Variants in PGM5 observed in about 807,000 individuals in gnomAD.
PGM5 encodes phosphoglucomutase-like protein 5.
In PGM5, 23 loss-of-function variants were observed where a neutral mutation model predicts 59.2. That is an observed-to-expected ratio of 0.39 (90% CI 0.28 to 0.55). The LOEUF (loss-of-function observed/expected upper bound fraction) is 0.55, where lower values mean the gene tolerates loss of function less well. PGM5 is among the 20% of genes least tolerant of loss of function. The probability of loss-of-function intolerance (pLI) is 0.66; values close to 1 mark genes in which losing one functional copy is unlikely to be tolerated. For synonymous variants in PGM5, 214 were observed against 286.0 expected (o/e 0.75, Z 2.54); for missense variants, 574 against 748.3 (o/e 0.77, Z 2.72).
At chr9:68,499,002 C>A (rs1289720929) in intron 9 of PGM5, 9 of 517,980 alleles carry the variant, frequency 1.7e-5, no homozygotes. Flanking sequence ...TCCTCTTTCC[C>A]CACATTAACC....
intron 8 of PGM5, among the ~76,000 whole-genome samples, chr9:68,482,957 G>A (rs782719467): frequency 2.0e-5 from 3 of 151,978 alleles, no homozygotes; most frequent in South Asian, 2.1e-4. Context: ...CATTTAATAC[G>A]CTTGGCTAGG....
chr9:68,513,373 C>A (rs1474350805), intron 10 of PGM5, among the ~76,000 whole-genome samples: 1 of 152,158 alleles, frequency 6.6e-6, no homozygotes, highest in Non-Finnish European at 1.5e-5. Flanking sequence ...AAGGGTTCTT[C>A]ATTTTTCTTT....
At chr9:68,395,616 C>G (rs1822479470) in intron 6 of PGM5, 2 of 152,108 alleles carry the variant, frequency 1.3e-5, no homozygotes, top group Admixed American at 1.3e-4. Flanking sequence ...ATTTCTCTTA[C>G]ATGTATTTCA....
intron 8 of PGM5, among the ~76,000 whole-genome samples, chr9:68,482,146 GAACGTTTGGGCA>G (rs1554687171): frequency 6.6e-6 from 1 of 152,094 alleles, no homozygotes; most frequent in Non-Finnish European, 1.5e-5. Context: ...ATATGAAGGT[GAACGTTTGGGCA>G]AACAGATCTG....
rs142494212 is a variant in PGM5, at chr9:68,499,269, C to T, written c.1522C>T (p.Arg508Trp). 20 of 1,614,152 alleles carry T rather than the reference C, an allele frequency of 1.2e-5. No individual in the cohort carries two copies. Among genetic ancestry groups the T allele is most frequent in the African/African-American group, 9.3e-5 (7 of 75,036 alleles). The change falls in exon 10 of 11, where the codon CGG becomes TGG. Residue 508 changes from arginine (R) to tryptophan (W), a missense_variant. Around this residue, in one of 7 missense-constraint regions of PGM5, gnomAD observed 300 missense variants for 280.0 expected, o/e 1.07. Transcript: ENST00000396396. Reference protein sequence around the residue: ...IFSDASRLIFRLSSSSGVRAT... With the variant: ...IFSDASRLIFWLSSSSGVRAT... Reference sequence around the variant, plus strand: ...CTCGGATGCATCACGGCTCATCTTCCGGCTCAGTTCCTCCAGTGGTGTGCG... The same window carrying T: ...CTCGGATGCATCACGGCTCATCTTCTGGCTCAGTTCCTCCAGTGGTGTGCG...
intron 6 of PGM5, among the ~76,000 whole-genome samples, chr9:68,418,624 C>T (rs181339093): frequency 2.0e-5 from 3 of 152,052 alleles, no homozygotes; most frequent in South Asian, 2.1e-4. Context: ...CACCTTGCTG[C>T]GGCCTGCTGT....
intron 10 of PGM5, among the ~76,000 whole-genome samples, chr9:68,516,044 A>T (rs933689191): frequency 6.6e-6 from 1 of 152,248 alleles, no homozygotes; most frequent in Non-Finnish European, 1.5e-5. Context: ...ATAGGTAGTC[A>T]TGCTATCCAT....
At chr9:68,469,404 A>C (rs1243070599) in intron 7 of PGM5, among the ~76,000 whole-genome samples, 1 of 152,168 alleles carries the variant, frequency 6.6e-6, no homozygotes, top group Non-Finnish European at 1.5e-5. Flanking sequence ...GTATGTATTC[A>C]TCTTTTTCTA....
At chr9:68,389,323 T>C (rs1554679234) in intron 4 of PGM5, among the ~76,000 whole-genome samples, 1 of 152,086 alleles carries the variant, frequency 6.6e-6, no homozygotes, top group African/African-American at 2.4e-5. Flanking sequence ...ACATATACAG[T>C]CATGTAACCA....
At chr9:68,490,875 T>A (rs1372748983) in intron 9 of PGM5, among the ~76,000 whole-genome samples, 1 of 152,226 alleles carries the variant, frequency 6.6e-6, no homozygotes, top group Non-Finnish European at 1.5e-5. Flanking sequence ...ACTTCTACAC[T>A]GAGTCACAGA....
chr9:68,373,278 A>G (rs1821788065), intron 1 of PGM5, among the ~76,000 whole-genome samples: 1 of 150,716 alleles, frequency 6.6e-6, no homozygotes. Context: ...TGATAGGACC[A>G]TGTCCAGCAA....
chr9:68,457,179 CTT>C (rs1273754087), intron 6 of PGM5, among the ~76,000 whole-genome samples: 5 of 151,940 alleles, frequency 3.3e-5, no homozygotes, highest in African/African-American at 4.8e-5. Flanking sequence ...TTTTTAGTGT[CTT>C]TGACAAATAG....
At chr9:68,477,306 C>G (rs552165236) in intron 7 of PGM5, among the ~76,000 whole-genome samples, 123 of 151,334 alleles carry the variant, frequency 8.1e-4, no homozygotes, top group Non-Finnish European at 1.4e-3. Context: ...CACAGCCCCC[C>G]TCAGGTTTGC....
intron 6 of PGM5, among the ~76,000 whole-genome samples, chr9:68,445,001 A>G (rs979567758): frequency 3.3e-5 from 5 of 152,212 alleles, no homozygotes; most frequent in Non-Finnish European, 7.3e-5. Flanking sequence ...TTCTTCATCT[A>G]AAGACTGAAG....
At chr9:68,448,570 C>T (rs573370132) in intron 6 of PGM5, among the ~76,000 whole-genome samples, 1 of 152,214 alleles carries the variant, frequency 6.6e-6, no homozygotes, top group Non-Finnish European at 1.5e-5. Context: ...AGGAGCACCA[C>T]TTGCTACCTG....
chr9:68,473,669 C>A (rs1554686428), intron 7 of PGM5, among the ~76,000 whole-genome samples: 1 of 152,126 alleles, frequency 6.6e-6, no homozygotes, highest in East Asian at 1.9e-4. Context: ...AATCAGGAAC[C>A]TCTTTGAGTG....
At chr9:68,505,144 T>C (rs995840106) in intron 10 of PGM5, among the ~76,000 whole-genome samples, 1 of 152,156 alleles carries the variant, frequency 6.6e-6, no homozygotes. Flanking sequence ...ATTCATGGAG[T>C]AGGTAATTTC....
chr9:68,492,703 G>A (rs1824413255), intron 9 of PGM5, among the ~76,000 whole-genome samples: 1 of 152,172 alleles, frequency 6.6e-6, no homozygotes, highest in South Asian at 2.1e-4. Flanking sequence ...GCACCATATG[G>A]AGTAACTGCT....
intron 1 of PGM5, among the ~76,000 whole-genome samples, chr9:68,375,486 G>A (rs1821855656): frequency 6.6e-6 from 1 of 152,190 alleles, no homozygotes; most frequent in Admixed American, 6.5e-5. Flanking sequence ...GACTCGAAGA[G>A]TCTCCCATCT....
Sources: gnomAD v4.1 joint callset for allele counts (sites outside exome capture counted in the v4.1 genomes callset) on GRCh38, gnomAD v4.1.1 for gene constraint, gnomAD v4.1.1 regional missense constraint, MANE v1.5 for transcripts, NCBI Gene and HGNC (gene_info 2026-07-23, HGNC 2026-07-21) for gene names.